The following NCKAP5 variants were observed in gnomAD, a reference collection of about 807,000 sequenced individuals.
NCKAP5 encodes the protein nck-associated protein 5.
NCKAP5 carries 92 observed loss-of-function variants against 167.0 expected under a neutral mutation model. The observed-to-expected ratio is 0.55, with a 90% CI of 0.47 to 0.66. NCKAP5 has a LOEUF of 0.66. NCKAP5 is among the 30% of genes least tolerant of loss of function. NCKAP5 has a pLI of 0.00. For synonymous variants in NCKAP5, 891 were observed against 877.4 expected (o/e 1.02, Z -0.27); for missense variants, 2,378 against 2,315.0 (o/e 1.03, Z -0.56).
In NCKAP5 at chr2:133,270,472, A is replaced by G. The variant is rs1287401493; in HGVS notation, c.143+32565T>C. On this transcript the variant is annotated intron_variant, in intron 4 of 19. Transcript: ENST00000409261. The stretch of plus-strand genomic sequence containing the variant: ...TCACCAATAGATGCTAAAGCCATTA[A>G]GTAAAGGTTTGATGGAAAATAGTGA... Among the ~76,000 whole-genome samples, 22 of 152,238 alleles carry G rather than the reference A, an allele frequency of 1.4e-4. 1 individual carries two copies. The highest frequency in any genetic ancestry group is 1.4e-3 in the Admixed American group (22 of 15,284).
intron 5 of NCKAP5, among the ~76,000 whole-genome samples, chr2:133,188,204 A>C (rs2085039057): frequency 6.6e-6 from 1 of 152,044 alleles, no homozygotes; most frequent in African/African-American, 2.4e-5. Context: ...GCTTAATGGT[A>C]AGGGGATCAA....
chr2:132,720,541 G>T (rs546794026), intron 19 of NCKAP5, among the ~76,000 whole-genome samples: 2 of 152,336 alleles, frequency 1.3e-5, no homozygotes, highest in East Asian at 3.9e-4. Context: ...CTGTTTTGAA[G>T]GGTGGGTTCC....
chr2:132,967,184 C>CACACACACACACACACAT (rs1306540657), intron 7 of NCKAP5, among the ~76,000 whole-genome samples: 1 of 150,396 alleles, frequency 6.6e-6, no homozygotes, highest in Non-Finnish European at 1.5e-5. Context: ...CACACACACA[C>CACACACACACACACACAT]ACACACACAC....
chr2:133,087,870 T>C (rs1471897948), intron 6 of NCKAP5, among the ~76,000 whole-genome samples: 1 of 152,194 alleles, frequency 6.6e-6, no homozygotes, highest in African/African-American at 2.4e-5. Context: ...AATTACTCTG[T>C]TGCAGGCACT....
At chr2:132,902,644 G>A (rs1311213189) in intron 8 of NCKAP5, among the ~76,000 whole-genome samples, 1 of 152,202 alleles carries the variant, frequency 6.6e-6, no homozygotes, top group East Asian at 1.9e-4. Context: ...CAGCATAAAA[G>A]GCTTGATTGA....
At chr2:133,174,207 T>C (rs921399139) in intron 5 of NCKAP5, among the ~76,000 whole-genome samples, 1 of 152,126 alleles carries the variant, frequency 6.6e-6, no homozygotes, top group Non-Finnish European at 1.5e-5. Flanking sequence ...CCCTCCAGTT[T>C]GGGTTTTTCT....
At chr2:132,857,709 T>C (rs1350416293) in intron 11 of NCKAP5, among the ~76,000 whole-genome samples, 1 of 152,230 alleles carries the variant, frequency 6.6e-6, no homozygotes, top group African/African-American at 2.4e-5. Flanking sequence ...TCTGATTTAT[T>C]GCCACCCATA....
intron 4 of NCKAP5, among the ~76,000 whole-genome samples, chr2:133,235,000 C>T (rs1189226390): frequency 6.7e-6 from 1 of 148,528 alleles, no homozygotes; most frequent in East Asian, 2.1e-4. Flanking sequence ...ACTGAGGGAC[C>T]CCATCCAACT....
At chr2:132,914,941 A>G (rs1166862205) in intron 8 of NCKAP5, among the ~76,000 whole-genome samples, 1 of 151,302 alleles carries the variant, frequency 6.6e-6, no homozygotes, top group Non-Finnish European at 1.5e-5. Context: ...CTCAAGAGGC[A>G]ATCTAAGATA....
intron 5 of NCKAP5, among the ~76,000 whole-genome samples, chr2:133,138,092 G>T (rs948171555): frequency 6.6e-6 from 1 of 152,302 alleles, no homozygotes; most frequent in South Asian, 2.1e-4. Flanking sequence ...AAGGAAAGGA[G>T]TGTGAGCTGG....
At chr2:133,602,465 T>C in the NCKAP5 span, among the ~76,000 whole-genome samples, 1 of 152,058 alleles carries the variant, frequency 6.6e-6, no homozygotes, top group Non-Finnish European at 1.5e-5. Context: ...TGCTGGTCCT[T>C]TCTTTTGTGG....
chr2:133,157,225 C>T lies in NCKAP5; in HGVS notation c.208-27114G>A, dbSNP rs551265200. ...TTCAAATCAGGCTGTAGGTAACAAG[C>T]GGGCCCATCAAATGGTGGTCTACTT... On this transcript the variant is annotated intron_variant, in intron 5 of 19. Coordinates refer to ENST00000409261, the MANE Select transcript of NCKAP5 (RefSeq NM_207363.3). 7.9e-5 allele frequency among the ~76,000 whole-genome samples: 12 copies of T among 152,280 alleles called. No homozygotes were observed. In the South Asian group the frequency reaches 1.0e-3, roughly 13 times the overall value.
chr2:133,340,167 T>A (rs1683475544), intron 3 of NCKAP5, among the ~76,000 whole-genome samples: 1 of 152,210 alleles, frequency 6.6e-6, no homozygotes, highest in African/African-American at 2.4e-5. Flanking sequence ...ATTTAAGAAT[T>A]ACATCAGATC....
At chr2:133,506,261 G>A (rs536290785) in intron 3 of NCKAP5, among the ~76,000 whole-genome samples, 1 of 152,236 alleles carries the variant, frequency 6.6e-6, no homozygotes, top group African/African-American at 2.4e-5. Context: ...GGAATAGACT[G>A]GAAAACAACA....
intron 11 of NCKAP5, among the ~76,000 whole-genome samples, chr2:132,825,036 G>A (rs1442785072): frequency 6.6e-6 from 1 of 152,162 alleles, no homozygotes; most frequent in African/African-American, 2.4e-5. Flanking sequence ...GGCAAAAATA[G>A]TTTCAGTTTC....
intron 16 of NCKAP5, among the ~76,000 whole-genome samples, chr2:132,737,783 C>G (rs956181232): frequency 2.0e-5 from 3 of 152,154 alleles, no homozygotes; most frequent in African/African-American, 7.2e-5. Flanking sequence ...CAGAAAATGG[C>G]AACAGTTCTC....
chr2:133,309,659 T>C (rs1681090842), intron 3 of NCKAP5, among the ~76,000 whole-genome samples: 1 of 152,226 alleles, frequency 6.6e-6, no homozygotes, highest in South Asian at 2.1e-4. Flanking sequence ...GGGCAATTAG[T>C]ATGAAACATT....
chr2:132,784,451 C>A lies in NCKAP5; in HGVS notation c.2360G>T (p.Arg787Met), dbSNP rs1350003389. The A allele has an allele frequency of 6.2e-7, 1 of 1,604,816 alleles. No homozygotes were observed. Among genetic ancestry groups the A allele is most frequent in the Non-Finnish European group, 8.5e-7 (1 of 1,176,368 alleles). The change falls in exon 14 of 20, where the codon AGG (arginine) becomes ATG (methionine). Residue 787 changes from arginine to methionine, a missense_variant. By Grantham distance (91) the Arg-to-Met change is moderately conservative. Around this residue, in one of 3 missense-constraint regions of NCKAP5, gnomAD observed 1,049 missense variants for 1,023.4 expected, o/e 1.02. Coordinates refer to ENST00000409261, the MANE Select transcript of NCKAP5 (RefSeq NM_207363.3). ...THNISCQSNSRSSAPMGIYQK... is the reference protein window; with the variant it reads ...THNISCQSNSMSSAPMGIYQK... ...ATAGATGCCCATGGGTGCCGAAGAC[C>A]TGGAATTACTCTGGCATGATATATT...
chr2:132,972,369 A>G (rs536424592), intron 7 of NCKAP5, among the ~76,000 whole-genome samples: 44 of 152,298 alleles, frequency 2.9e-4, no homozygotes, highest in Non-Finnish European at 5.1e-4. Context: ...AGGCTCCAAG[A>G]GACAGGTTCT....
Sources: gnomAD v4.1 joint callset for allele counts (sites outside exome capture counted in the v4.1 genomes callset) on GRCh38, gnomAD v4.1.1 for gene constraint, gnomAD v4.1.1 regional missense constraint, MANE v1.5 for transcripts, NCBI Gene and HGNC (gene_info 2026-07-23, HGNC 2026-07-21) for gene names.